Variants in PTPA observed in about 807,000 individuals in gnomAD.
PTPA encodes serine/threonine-protein phosphatase 2A activator.
A neutral mutation model predicts 43.6 loss-of-function variants in PTPA; 13 were observed. The observed-to-expected ratio is 0.30, with a 90% CI of 0.19 to 0.47. The LOEUF is 0.47. PTPA is among the 20% of genes least tolerant of loss of function. The pLI, the probability that PTPA is intolerant of heterozygous loss-of-function variation, is 0.99. For synonymous variants in PTPA, 172 were observed against 158.2 expected (o/e 1.09, Z -0.66); for missense variants, 329 against 411.9 (o/e 0.80, Z 1.74).
At chr9:129,144,890 G>A (rs1295066444) in intron 9 of PTPA, among the ~76,000 whole-genome samples, 2 of 152,130 alleles carry the variant, frequency 1.3e-5, no homozygotes, top group East Asian at 3.9e-4. Context: ...AAAATTAGCT[G>A]GGTGTGGTGG....
rs1848485108 is a variant in PTPA at position 129,111,584 on chromosome 9, C to G, written c.-17C>G. The stretch of plus-strand genomic sequence containing the variant: ...AGGGGACTGCAAGCATCCGGGTCGG[C>G]TCCTGGCCGGAGCAAGATGGCTGAG... On this transcript the variant is annotated 5_prime_UTR_variant, in exon 1 of 10. Transcript: ENST00000393370. The G allele has an allele frequency of 3.1e-6, 4 of 1,290,512 alleles. No individual in the cohort carries two copies. Among genetic ancestry groups the G allele is most frequent in the African/African-American group, 3.1e-5 (2 of 64,982 alleles). The allele number at this position is 1,290,512 out of a possible 1,614,324, so 79.9% of individuals were successfully genotyped here.
chr9:129,110,979 G>C, upstream of PTPA: 5 of 1,371,006 alleles, frequency 3.6e-6, no homozygotes, highest in Non-Finnish European at 4.9e-6. This position sits in a 1 kb window ranked among gnomAD's most constrained non-coding sequence, Gnocchi z 5.3. Flanking sequence ...GAAGGAGGAG[G>C]TCACCGTCCA....
upstream of PTPA, chr9:129,111,293 T>C: frequency 2.6e-6 from 3 of 1,134,102 alleles, no homozygotes; most frequent in Non-Finnish European, 3.2e-6. Context: ...TGAGCGGTCC[T>C]AGCGCTTGGC....
At chr9:129,136,710 G>A (rs1419246465) in intron 7 of PTPA, 115 bp downstream of exon 7, 1 of 1,299,856 alleles carries the variant, frequency 7.7e-7, no homozygotes, top group East Asian at 2.6e-5. Context: ...GGCAGACAGT[G>A]ACAGCTTGGA....
chr9:129,111,791 G>A, intron 1 of PTPA, 160 bp downstream of exon 1: 2 of 1,232,248 alleles, frequency 1.6e-6, no homozygotes, highest in South Asian at 4.0e-5. Flanking sequence ...TTAGGGGAGA[G>A]GTGGGTGGTG....
intron 1 of PTPA, among the ~76,000 whole-genome samples, chr9:129,115,735 G>T (rs1486962799): frequency 6.6e-6 from 1 of 151,780 alleles, no homozygotes; most frequent in Non-Finnish European, 1.5e-5. Context: ...TGCCTCCTGG[G>T]TTCAAGTGAT....
At chr9:129,128,213 G>C (rs1849708670) in intron 3 of PTPA, 2 of 429,802 alleles carry the variant, frequency 4.7e-6, no homozygotes, top group African/African-American at 4.1e-5. Flanking sequence ...AAAACACTAT[G>C]AGAAGATAAC....
chr9:129,134,853 G>T lies in PTPA; in HGVS notation c.519G>T (p.Arg173=), dbSNP rs763997205. The change falls in exon 6 of 10, where the codon CGG becomes CGT. Residue 173 remains arginine (R), a synonymous_variant. Transcript: ENST00000393370. ...GTCTCTGCAAGATTGGGGTGCTCCG[G>T]GTGGATGACCAAATAGCTATTGTCT... is the stretch of plus-strand genomic sequence containing the variant. ...LCCLCKIGVL[R]VDDQIAIVFK... 6.2e-7 allele frequency: 1 copy of T among 1,614,058 alleles called. No individual in the cohort carries two copies. Among genetic ancestry groups the T allele is most frequent in the Non-Finnish European group, 8.5e-7 (1 of 1,180,012 alleles).
chr9:129,118,878 T>C (rs1428280794), intron 1 of PTPA: 1 of 152,014 alleles, frequency 6.6e-6, no homozygotes, highest in African/African-American at 2.4e-5. Flanking sequence ...GAAAGATAGA[T>C]TCCTGTAAGT....
intron 3 of PTPA, 149 bp from the exon 4 acceptor site, chr9:129,128,836 C>G (rs1849756322): frequency 1.1e-6 from 1 of 932,454 alleles, no homozygotes; most frequent in African/African-American, 1.6e-5. Context: ...CCTTCATATT[C>G]AGAACAGTGG....
intron 3 of PTPA, chr9:129,127,843 T>C: frequency 1.7e-6 from 1 of 592,974 alleles, no homozygotes; most frequent in South Asian, 1.7e-5. Context: ...AAATAGGTAG[T>C]GAAACAGGTG....
intron 7 of PTPA, among the ~76,000 whole-genome samples, chr9:129,136,992 G>A (rs930168769): frequency 2.0e-5 from 3 of 152,230 alleles, no homozygotes; most frequent in African/African-American, 7.2e-5. Context: ...ATCGAGCTGT[G>A]TGCAAAGGGG....
At chr9:129,114,024 C>T (rs555796004) in intron 1 of PTPA, among the ~76,000 whole-genome samples, 1 of 152,108 alleles carries the variant, frequency 6.6e-6, no homozygotes, top group Admixed American at 6.5e-5. Context: ...CTGGAAAGAA[C>T]TTCTTCTTTT....
At chr9:129,133,117 C>G (rs369024287) in intron 5 of PTPA, among the ~76,000 whole-genome samples, 1 of 152,352 alleles carries the variant, frequency 6.6e-6, no homozygotes, top group East Asian at 1.9e-4. Flanking sequence ...GAGGCGTTCT[C>G]TAGGTCAGGG....
intron 1 of PTPA, among the ~76,000 whole-genome samples, chr9:129,114,938 G>C (rs562168280): frequency 2.0e-5 from 3 of 152,262 alleles, no homozygotes; most frequent in Admixed American, 6.5e-5. Context: ...AACATGGACT[G>C]GCCTGAAGGC....
intron 9 of PTPA, chr9:129,142,845 G>A (rs772174924): frequency 3.9e-6 from 6 of 1,531,656 alleles, no homozygotes; most frequent in Non-Finnish European, 5.2e-6. Context: ...GGCGATGGGG[G>A]CCTCCCTTCT....
At position 129,113,641 on chromosome 9, in the gene PTPA, A is replaced by T. The variant is rs193114518; in HGVS notation, c.31+2010A>T. On this transcript the variant is annotated intron_variant, in intron 1 of 9. Coordinates refer to ENST00000393370, the MANE Select transcript of PTPA (RefSeq NM_178000.3). Reference sequence around the variant, plus strand: ...AAAAATTAGCTGGGTGTGGTGGCACACGTCTGTAATCGCAGCTACTCGGGA... The same window carrying T: ...AAAAATTAGCTGGGTGTGGTGGCACTCGTCTGTAATCGCAGCTACTCGGGA... 1.6e-4 allele frequency among the ~76,000 whole-genome samples: 21 copies of T among 135,152 alleles called. No individual in the cohort carries two copies. In the East Asian group the frequency reaches 4.1e-3, roughly 27 times the overall value. 88.7% of individuals were successfully genotyped at this position (135,152 alleles called of 152,430 possible). A position where few individuals can be genotyped will look rare whatever the true frequency, so the allele number is the denominator to read the frequency against.
chr9:129,129,623 C>T (rs1365974387), intron 4 of PTPA, among the ~76,000 whole-genome samples: 2 of 152,008 alleles, frequency 1.3e-5, no homozygotes, highest in African/African-American at 2.4e-5. Context: ...GCACCCACCA[C>T]CACGCCCGGC....
chr9:129,139,446 C>T (rs17433444), intron 8 of PTPA: 9,112 of 152,204 alleles, frequency 0.06, 394 homozygotes, highest in Middle Eastern at 0.2. Flanking sequence ...TCCACAGGTC[C>T]GGGTTTTCAC....
Sources: gnomAD v4.1 joint callset for allele counts (sites outside exome capture counted in the v4.1 genomes callset) on GRCh38, gnomAD v4.1.1 for gene constraint, Gnocchi (gnomAD v3.1) non-coding constraint, MANE v1.5 for transcripts, NCBI Gene and HGNC (gene_info 2026-07-23, HGNC 2026-07-21) for gene names.